The following GAK variants were observed in gnomAD, a reference collection of about 807,000 sequenced individuals.
GAK encodes cyclin-G-associated kinase.
A neutral mutation model predicts 143.9 loss-of-function variants in GAK; 79 were observed. The observed-to-expected ratio is 0.55, with a 90% confidence interval of 0.46 to 0.66. The LOEUF (loss-of-function observed/expected upper bound fraction) is 0.66. GAK is among the 30% of genes least tolerant of loss of function. The probability of loss-of-function intolerance (pLI) is 0.00; values close to 1 mark genes in which losing one functional copy is unlikely to be tolerated. For missense variants in GAK, 1,693 were observed against 1,779.7 expected (o/e 0.95, Z 0.88); for synonymous variants, 881 against 765.5 (o/e 1.15, Z -2.49).
chr4:883,182 T>C, intron 13 of GAK, 133 bp downstream of exon 13: 1 of 1,054,724 alleles, frequency 9.5e-7, no homozygotes, highest in South Asian at 1.6e-5. Context: ...TGTCCCACGC[T>C]CTGCAGCCCC....
In GAK at chr4:851,868, T is replaced by C. The variant is rs372104503; in HGVS notation, c.3390A>G (p.Ser1130=). The change falls in exon 25 of 28, where the codon TCA becomes TCG. Residue 1130 remains serine (S), a synonymous_variant. Coordinates refer to ENST00000314167, the MANE Select transcript of GAK (RefSeq NM_005255.4). ...QTSRPPAQGA[S]WPPQAKPPPK... is the part of the protein sequence containing the mutation. ...GGGGCGGCTTGGCCTGAGGGGGCCATGAGGCGCCCTGGGCTGGCGGCCGAC... is the reference window on the plus strand; with the variant it reads ...GGGGCGGCTTGGCCTGAGGGGGCCACGAGGCGCCCTGGGCTGGCGGCCGAC... 1 of 1,609,100 alleles carries C rather than the reference T, an allele frequency of 6.2e-7. No individual in the cohort carries two copies. The highest frequency in any genetic ancestry group is 1.7e-5 in the Admixed American group (1 of 59,486).
At position 893,872 on chromosome 4, in the gene GAK, A is replaced by G; in HGVS notation, c.877+2T>C. 1 of 1,582,060 alleles carries G rather than the reference A, an allele frequency of 6.3e-7. No homozygotes were observed. The highest frequency in any genetic ancestry group is 2.3e-5 in the East Asian group (1 of 44,194). On this transcript the variant is annotated splice_donor_variant, in intron 8 of 27. Coordinates refer to ENST00000314167, the MANE Select transcript of GAK (RefSeq NM_005255.4). LOFTEE classifies it high-confidence loss of function. ...CCACGCACGCATTCCACCGGGACTT[A>G]CGGATGAGGCTGTGGAAGACCGTGT...
chr4:912,585 C>A (rs965892729), intron 3 of GAK, 150 bp downstream of exon 3: 9 of 581,816 alleles, frequency 1.5e-5, no homozygotes, highest in Non-Finnish European at 2.7e-5. Flanking sequence ...AAGTCGCCTA[C>A]AACTAGGTTT....
intron 1 of GAK, among the ~76,000 whole-genome samples, chr4:929,257 C>G (rs1192542123): frequency 6.6e-6 from 1 of 152,232 alleles, no homozygotes; most frequent in Non-Finnish European, 1.5e-5. Flanking sequence ...GCGCATGGCA[C>G]ACAAGGGCTG....
chr4:877,604 G>C lies in GAK; in HGVS notation c.1856+11C>G. On this transcript the variant is annotated intron_variant, in intron 16 of 27. Transcript: ENST00000314167. ...GGAGGGAGCACAGCGTGGGGCTGCAGCTGCACTCACCGCATCTTGTCGTAC... is the reference window on the plus strand; with the variant it reads ...GGAGGGAGCACAGCGTGGGGCTGCACCTGCACTCACCGCATCTTGTCGTAC... The C allele has an allele frequency of 6.4e-7, 1 of 1,570,796 alleles. No homozygotes were observed. The highest frequency in any genetic ancestry group is 8.7e-7 in the Non-Finnish European group (1 of 1,155,146).
chr4:929,083 AG>A (rs1355432761), intron 1 of GAK, among the ~76,000 whole-genome samples: 1 of 152,196 alleles, frequency 6.6e-6, no homozygotes, highest in Admixed American at 6.5e-5. Context: ...AAGTAAGTGA[AG>A]GGAGGAAGCC....
In GAK at chr4:868,646, T is replaced by C; in HGVS notation, c.2288A>G (p.Gln763Arg). 6.4e-7 allele frequency: 1 copy of C among 1,562,198 alleles called. No individual in the cohort carries two copies. The highest frequency in any genetic ancestry group is 8.7e-7 in the Non-Finnish European group (1 of 1,153,710). Residue 763 changes from glutamine to arginine, a missense_variant, in exon 20 of 28, where the codon CAG (glutamine) becomes CGG (arginine). Physicochemically the swap from Gln to Arg is conservative, Grantham distance 43 (BLOSUM62 1). This residue lies in a region of GAK where 822 missense variants were observed against 788.7 expected (regional missense o/e 1.04). Transcript: ENST00000314167. ...CGGGGACCCTGCCCCAGCATCATAC[T>C]GAGCCGTGGAGCCAGGCTGCCGGGG... ...ELPRQPGSTAQYDAGAGSPEA... is the reference protein window; with the variant it reads ...ELPRQPGSTARYDAGAGSPEA...
chr4:913,479 G>A (rs1722394241), intron 2 of GAK, 128 bp downstream of exon 2: 4 of 749,282 alleles, frequency 5.3e-6, no homozygotes, highest in Non-Finnish European at 7.0e-6. Flanking sequence ...GAAGCAAAAG[G>A]GACAAGTATG....
At chr4:921,798 G>A (rs896925475) in intron 1 of GAK, among the ~76,000 whole-genome samples, 4 of 151,600 alleles carry the variant, frequency 2.6e-5, no homozygotes, top group African/African-American at 4.8e-5. Context: ...CCATGTCTAC[G>A]AAGGACTTAA....
intron 11 of GAK, chr4:887,562 T>C (rs528234323): frequency 7.3e-6 from 1 of 136,212 alleles, no homozygotes; most frequent in East Asian, 2.2e-4. Context: ...TCACGCACAC[T>C]CACAGGCACT....
At chr4:897,935 G>C (rs531186268) in intron 6 of GAK, 98 bp downstream of exon 6, 4 of 1,369,594 alleles carry the variant, frequency 2.9e-6, no homozygotes, top group Non-Finnish European at 3.9e-6. Flanking sequence ...GTGACAGAGC[G>C]AGACTCAAAG....
intron 1 of GAK, chr4:915,757 T>A (rs925785573): frequency 6.6e-6 from 1 of 152,190 alleles, no homozygotes; most frequent in African/African-American, 2.4e-5. Flanking sequence ...ACAGGAACAC[T>A]GCATTTCGTG....
intron 4 of GAK, among the ~76,000 whole-genome samples, chr4:909,173 A>C (rs58673402): frequency 0.019 from 2,849 of 152,330 alleles, 79 homozygotes; most frequent in African/African-American, 0.064. Flanking sequence ...GTATTTTGTC[A>C]ATCAGCATGT....
At chr4:872,985 C>G (rs936167189) in intron 18 of GAK, among the ~76,000 whole-genome samples, 1 of 151,714 alleles carries the variant, frequency 6.6e-6, no homozygotes, top group Non-Finnish European at 1.5e-5. Flanking sequence ...ACGGCGCAGG[C>G]TCACCACGCA....
At chr4:917,920 A>T (rs1196163341) in intron 1 of GAK, among the ~76,000 whole-genome samples, 1 of 152,256 alleles carries the variant, frequency 6.6e-6, no homozygotes, top group Non-Finnish European at 1.5e-5. Flanking sequence ...AAATTACATC[A>T]AACACTTAAG....
chr4:912,229 G>C, intron 3 of GAK: 1 of 446,002 alleles, frequency 2.2e-6, no homozygotes, highest in South Asian at 1.6e-5. Context: ...AAGACTCCAG[G>C]CTCAGGAGGG....
At position 873,654 on chromosome 4, in the gene GAK, C is replaced by G. The variant is rs370626510; in HGVS notation, c.2055-2750G>C. On this transcript the variant is annotated intron_variant, in intron 18 of 27. Coordinates refer to ENST00000314167, the MANE Select transcript of GAK (RefSeq NM_005255.4). Reference sequence around the variant, plus strand: ...CTGCCCTCGCCCCTGCAACGTCACCCGTCACCTCCTGCCTTGGTCTATCCC... The same window carrying G: ...CTGCCCTCGCCCCTGCAACGTCACCGGTCACCTCCTGCCTTGGTCTATCCC... 3.0e-4 allele frequency among the ~76,000 whole-genome samples: 46 copies of G among 152,286 alleles called. No homozygotes were observed. In the East Asian group the frequency reaches 7.3e-3, roughly 24 times the overall value.
At chr4:854,903 G>A (rs1047174440) in intron 24 of GAK, among the ~76,000 whole-genome samples, 14 of 152,276 alleles carry the variant, frequency 9.2e-5, no homozygotes, top group Middle Eastern at 3.4e-3. Flanking sequence ...AAATTAGCTG[G>A]GCGTGGTGGC....
intron 18 of GAK, among the ~76,000 whole-genome samples, chr4:874,141 T>C (rs1241234221): frequency 1.3e-5 from 2 of 151,404 alleles, no homozygotes; most frequent in Non-Finnish European, 3.0e-5. Context: ...GTGTGCGCGC[T>C]GGTGCTTGTG....
Sources: gnomAD v4.1 joint callset for allele counts (sites outside exome capture counted in the v4.1 genomes callset) on GRCh38, gnomAD v4.1.1 for gene constraint, gnomAD v4.1.1 regional missense constraint, MANE v1.5 for transcripts, NCBI Gene and HGNC (gene_info 2026-07-23, HGNC 2026-07-21) for gene names.